KCTD1: variants seen among roughly 807,000 people sequenced by gnomAD.
KCTD1 encodes the protein potassium channel tetramerization domain containing 1.
A neutral mutation model predicts 66.0 loss-of-function variants in KCTD1; 24 were observed. That is an observed-to-expected ratio of 0.36 (90% CI 0.26 to 0.51). The LOEUF (loss-of-function observed/expected upper bound fraction) is 0.51, where lower values mean the gene tolerates loss of function less well. Ranked by LOEUF, KCTD1 falls within the 20% of genes least tolerant of loss-of-function variation. KCTD1 has a pLI of 0.95. For missense variants in KCTD1, 943 were observed against 1,205.2 expected (o/e 0.78, Z 3.22); for synonymous variants, 511 against 517.2 (o/e 0.99, Z 0.16).
chr18:26,641,496 G>T (rs1418280120), upstream of KCTD1, among the ~76,000 whole-genome samples: 1 of 152,052 alleles, frequency 6.6e-6, no homozygotes, highest in Non-Finnish European at 1.5e-5. Flanking sequence ...CTCTTCACAG[G>T]CAGCCCAAGA....
chr18:26,480,061 T>TTC (rs1382612355), intron 2 of KCTD1, among the ~76,000 whole-genome samples: 1 of 143,174 alleles, frequency 7.0e-6, no homozygotes, highest in Non-Finnish European at 1.5e-5. Flanking sequence ...TTTTTTTTTT[T>TTC]CACTCATTGA....
chr18:26,613,902 C>A (rs570941845), intron 1 of KCTD1, among the ~76,000 whole-genome samples: 1 of 152,294 alleles, frequency 6.6e-6, no homozygotes, highest in South Asian at 2.1e-4. Context: ...ATGGCTCACC[C>A]CCTCATTTCA....
intron 1 of KCTD1, among the ~76,000 whole-genome samples, chr18:26,521,742 G>A (rs1983920499): frequency 6.6e-6 from 1 of 152,158 alleles, no homozygotes; most frequent in South Asian, 2.1e-4. Flanking sequence ...TCATTTACAT[G>A]AACCTCTAGA....
At position 26,501,164 on chromosome 18, in the gene KCTD1, T is replaced by C. The variant is rs1567969956; in HGVS notation, c.1896A>G (p.Gln632=). 2 of 1,614,082 alleles carry C rather than the reference T, an allele frequency of 1.2e-6. No individual in the cohort carries two copies. The highest frequency in any genetic ancestry group is 4.5e-5 in the East Asian group (2 of 44,890). The change falls in exon 2 of 5, where the codon CAA becomes CAG. Residue 632 remains glutamine (Q), a synonymous_variant. Transcript: ENST00000580059. The part of the protein sequence containing the change: ...LNNQGIPTPA[Q]LTKSNAPVHI... ...GGACAGGCGCATTGGATTTTGTGAG[T>C]TGTGCTGGAGTAGGGATGCCTTGGT... is the stretch of plus-strand genomic sequence containing the variant.
At chr18:26,527,024 T>C (rs1984195932) in intron 1 of KCTD1, among the ~76,000 whole-genome samples, 1 of 152,176 alleles carries the variant, frequency 6.6e-6, no homozygotes, top group Admixed American at 6.5e-5. Context: ...ATTCCCAAAC[T>C]ACCTGTTTTT....
upstream of KCTD1, among the ~76,000 whole-genome samples, chr18:26,550,310 A>G (rs112962589): frequency 6.6e-6 from 1 of 151,794 alleles, no homozygotes; most frequent in Non-Finnish European, 1.5e-5. The surrounding 1 kb of genome is among the most constrained non-coding windows in gnomAD (Gnocchi z 5.4). Context: ...TTACGCATCA[A>G]TTGAAACCCA....
chr18:26,657,255 C>T (rs1264877066), intron 1 of KCTD1: 10 of 864,584 alleles, frequency 1.2e-5, no homozygotes, highest in Non-Finnish European at 1.1e-5. Flanking sequence ...GAGTGTGCCG[C>T]GCTCTCGCCC....
At chr18:26,525,039 C>G (rs1419913454) in intron 1 of KCTD1, among the ~76,000 whole-genome samples, 4 of 152,142 alleles carry the variant, frequency 2.6e-5, no homozygotes, top group Non-Finnish European at 5.9e-5. Flanking sequence ...AAAAAAAACT[C>G]TCTCATAGAA....
chr18:26,520,845 T>C (rs1191212870), intron 1 of KCTD1, among the ~76,000 whole-genome samples: 1 of 152,220 alleles, frequency 6.6e-6, no homozygotes, highest in East Asian at 1.9e-4. Flanking sequence ...TATCTCAGCG[T>C]TGGGCTGGCA....
At chr18:26,478,376 T>TA (rs1981455641) in intron 2 of KCTD1, among the ~76,000 whole-genome samples, 1 of 152,198 alleles carries the variant, frequency 6.6e-6, no homozygotes, top group Admixed American at 6.5e-5. Flanking sequence ...GGGCCTCCCT[T>TA]ACAACGATTG....
At chr18:26,599,355 G>T (rs1351994792) in intron 1 of KCTD1, 18 of 1,567,058 alleles carry the variant, frequency 1.1e-5, no homozygotes, top group South Asian at 2.3e-5. Flanking sequence ...TGGCAGTCTT[G>T]ATTCTCTTTT....
chr18:26,551,390 C>G (rs2144856841), upstream of KCTD1, among the ~76,000 whole-genome samples: 1 of 152,212 alleles, frequency 6.6e-6, no homozygotes. Flanking sequence ...GCTGCTTGGA[C>G]AGTTTGCAAA....
chr18:26,524,668 A>G (rs1984072763), intron 1 of KCTD1, among the ~76,000 whole-genome samples: 1 of 152,188 alleles, frequency 6.6e-6, no homozygotes, highest in Admixed American at 6.5e-5. Context: ...ATGTACATAT[A>G]TGTTTGAATG....
chr18:26,567,445 G>GGAAATGCTGTTGTTCTA (rs1432158274), intron 1 of KCTD1, among the ~76,000 whole-genome samples: 1 of 151,610 alleles, frequency 6.6e-6, no homozygotes, highest in South Asian at 2.1e-4. Context: ...TTGTTCTAGA[G>GGAAATGCTGTTGTTCTA]GAAATGCTGT....
intron 1 of KCTD1, among the ~76,000 whole-genome samples, chr18:26,507,783 T>C (rs1983120835): frequency 6.6e-6 from 1 of 152,086 alleles, no homozygotes; most frequent in Non-Finnish European, 1.5e-5. Flanking sequence ...AAAGGGCACG[T>C]ACTGTATGAT....
At chr18:26,580,257 TG>T (rs1239202712) in intron 1 of KCTD1, among the ~76,000 whole-genome samples, 1 of 152,036 alleles carries the variant, frequency 6.6e-6, no homozygotes, top group Admixed American at 6.6e-5. Flanking sequence ...TGATGTCAGG[TG>T]TCCTGAGTGC....
chr18:26,486,335 T>G (rs2144634543), intron 2 of KCTD1, among the ~76,000 whole-genome samples: 1 of 152,308 alleles, frequency 6.6e-6, no homozygotes, highest in East Asian at 1.9e-4. Context: ...CCCTGAAGAG[T>G]GAGGGCCAGC....
chr18:26,462,411 CATT>C (rs1980483374), intron 3 of KCTD1, among the ~76,000 whole-genome samples: 1 of 152,200 alleles, frequency 6.6e-6, no homozygotes, highest in Admixed American at 6.5e-5. Flanking sequence ...ATCCTGGCTC[CATT>C]TTTTCCTTTA....
At chr18:26,583,685 A>G (rs1327176833) in intron 1 of KCTD1, among the ~76,000 whole-genome samples, 4 of 152,226 alleles carry the variant, frequency 2.6e-5, no homozygotes, top group African/African-American at 9.6e-5. Context: ...AATCTTTAGC[A>G]CAACAAAAAT....
Sources: gnomAD v4.1 joint callset for allele counts (sites outside exome capture counted in the v4.1 genomes callset) on GRCh38, gnomAD v4.1.1 for gene constraint, Gnocchi (gnomAD v3.1) non-coding constraint, MANE v1.5 for transcripts, NCBI Gene and HGNC (gene_info 2026-07-23, HGNC 2026-07-21) for gene names.